Variants in RBFOX3 observed in about 807,000 individuals in gnomAD.
RBFOX3 encodes RNA binding protein fox-1 homolog 3.
Under a neutral mutation model 48.7 loss-of-function variants are expected in RBFOX3, and 17 were observed. The ratio of observed to expected loss-of-function variants is 0.35; its 90% CI spans 0.24 to 0.52. The LOEUF (loss-of-function observed/expected upper bound fraction) is 0.52, where lower values mean the gene tolerates loss of function less well. RBFOX3 is among the 20% of genes least tolerant of loss of function. The pLI, the probability that RBFOX3 is intolerant of heterozygous loss-of-function variation, is 0.94. For synonymous variants in RBFOX3, 212 were observed against 209.5 expected, an observed-to-expected ratio of 1.01 and a Z score of -0.10; for missense variants, 382 against 497.5, an observed-to-expected ratio of 0.77 and a Z score of 2.21.
intron 1 of RBFOX3, among the ~76,000 whole-genome samples, chr17:79,508,015 G>C (rs1445482808): frequency 1.3e-5 from 2 of 152,242 alleles, no homozygotes; most frequent in African/African-American, 4.8e-5. Flanking sequence ...CATGGATGCT[G>C]TTGAGGACAC....
At chr17:79,578,878 C>G (rs1280301779) in intron 1 of RBFOX3, among the ~76,000 whole-genome samples, 1 of 152,148 alleles carries the variant, frequency 6.6e-6, no homozygotes, top group Admixed American at 6.5e-5. Flanking sequence ...AGGGCTCGCT[C>G]CATCACCGCA....
Position 79,471,233 on chromosome 17 carries a change from G to A in RBFOX3, c.-175+11221C>T, listed in dbSNP as rs1037393806. ...GGGTCTCTCATGGGAAGCAGCCATC[G>A]TGGCTCTCAGCTCATGGAAAGCGGG... On this transcript the variant is annotated intron_variant, in intron 2 of 14. Transcript: ENST00000693108. The surrounding 1 kb of genome is among the most constrained non-coding windows in gnomAD (Gnocchi z 4.0). 7.2e-5 allele frequency among the ~76,000 whole-genome samples: 11 copies of A among 152,184 alleles called. No individual in the cohort carries two copies. In the East Asian group the frequency reaches 7.7e-4, roughly 11 times the overall value.
intron 5 of RBFOX3, among the ~76,000 whole-genome samples, chr17:79,112,479 C>T (rs184746083): frequency 6.6e-5 from 10 of 152,202 alleles, no homozygotes; most frequent in South Asian, 2.1e-4. Flanking sequence ...AAGGCCTTTC[C>T]GGAGCTGGGG....
chr17:79,148,983 G>A (rs564882833), intron 4 of RBFOX3, among the ~76,000 whole-genome samples: 5 of 152,304 alleles, frequency 3.3e-5, no homozygotes, highest in East Asian at 3.9e-4. Flanking sequence ...TTCAAGAAAC[G>A]CTAACCATAA....
chr17:79,171,738 A>AC (rs1442994124), intron 4 of RBFOX3, among the ~76,000 whole-genome samples: 1 of 108,310 alleles, frequency 9.2e-6, no homozygotes. Flanking sequence ...CTGGGATTAC[A>AC]TGTGTGAGCT....
chr17:79,635,450 G>A, the RBFOX3 span, among the ~76,000 whole-genome samples: 1 of 152,166 alleles, frequency 6.6e-6, no homozygotes, highest in East Asian at 1.9e-4. Flanking sequence ...CCTCCCAGAC[G>A]ATTCTCTTGG....
At chr17:79,262,065 C>G (rs1336457954) in intron 3 of RBFOX3, among the ~76,000 whole-genome samples, 4 of 152,220 alleles carry the variant, frequency 2.6e-5, no homozygotes, top group African/African-American at 9.6e-5. Context: ...TTTTGAGATT[C>G]TTTTGAGTTA....
At chr17:79,176,821 G>A (rs1353477516) in intron 4 of RBFOX3, among the ~76,000 whole-genome samples, 1 of 152,190 alleles carries the variant, frequency 6.6e-6, no homozygotes, top group East Asian at 1.9e-4. Context: ...AGGTGAAAAG[G>A]GAGAAGATTA....
At chr17:79,465,927 T>C (rs1555753440) in intron 2 of RBFOX3, among the ~76,000 whole-genome samples, 1 of 152,222 alleles carries the variant, frequency 6.6e-6, no homozygotes. Flanking sequence ...CCTCGATGTC[T>C]GCACCCATTC....
At chr17:79,450,541 A>AT (rs11387223) in intron 2 of RBFOX3, among the ~76,000 whole-genome samples, 55,527 of 150,314 alleles carry the variant, frequency 0.37, 10,416 homozygotes, top group South Asian at 0.42. Context: ...TGGACTTCTG[A>AT]TTTTTTTTTT....
At chr17:79,253,506 A>G (rs985006568) in intron 3 of RBFOX3, among the ~76,000 whole-genome samples, 1 of 152,200 alleles carries the variant, frequency 6.6e-6, no homozygotes, top group Non-Finnish European at 1.5e-5. Context: ...TCCAGGCACA[A>G]TGTCAACATT....
chr17:79,306,951 C>T (rs1568013174), intron 3 of RBFOX3, among the ~76,000 whole-genome samples: 1 of 152,216 alleles, frequency 6.6e-6, no homozygotes, highest in Non-Finnish European at 1.5e-5. Flanking sequence ...GAGTCTGGCC[C>T]CAGGCCCTCT....
At chr17:79,431,965 T>C (rs1321736093) in intron 2 of RBFOX3, among the ~76,000 whole-genome samples, 1 of 152,232 alleles carries the variant, frequency 6.6e-6, no homozygotes, top group Non-Finnish European at 1.5e-5. Context: ...AATCATTCTC[T>C]CTCAGGCCCT....
chr17:79,570,870 G>A (rs891140009), intron 1 of RBFOX3, among the ~76,000 whole-genome samples: 103,281 of 152,078 alleles, frequency 0.68, 35,325 homozygotes, highest in East Asian at 0.85. Context: ...CAATAGCTGT[G>A]GGTTGCTTTT....
chr17:79,594,677 T>A (rs2145179766), intron 1 of RBFOX3, among the ~76,000 whole-genome samples: 1 of 152,322 alleles, frequency 6.6e-6, no homozygotes, highest in South Asian at 2.1e-4. Flanking sequence ...AATACAGAAC[T>A]GTACATCAAT....
chr17:79,265,149 G>A (rs1346948997), intron 3 of RBFOX3, among the ~76,000 whole-genome samples: 4 of 152,162 alleles, frequency 2.6e-5, no homozygotes, highest in African/African-American at 9.7e-5. Flanking sequence ...AGGACAAAAC[G>A]CAGAACACAA....
At position 79,482,963 on chromosome 17, in the gene RBFOX3, C is replaced by A. The variant is rs559447909; in HGVS notation, c.-319-365G>T. 2.0e-5 allele frequency among the ~76,000 whole-genome samples: 3 copies of A among 151,760 alleles called. No homozygotes were observed. Among genetic ancestry groups the A allele is most frequent in the South Asian group, 2.1e-4 (1 of 4,758 alleles). ...CCCCATCGCCTTTCCCACTACCGCC[C>A]GCTCTTGCTTCCTCCCCCACCCAGC... On this transcript the variant is annotated intron_variant, in intron 1 of 14. Coordinates refer to ENST00000693108, the MANE Select transcript of RBFOX3 (RefSeq NM_001350451.2). The surrounding 1 kb of genome is among the most constrained non-coding windows in gnomAD (Gnocchi z 4.1).
Position 79,217,245 on chromosome 17 carries a change from T to C in RBFOX3, c.-34+18521A>G, listed in dbSNP as rs138399602. 5.1e-3 allele frequency among the ~76,000 whole-genome samples: 780 copies of C among 152,330 alleles called. 5 individuals carry two copies. The highest frequency in any genetic ancestry group is 8.2e-3 in the Non-Finnish European group (559 of 68,028). On this transcript the variant is annotated intron_variant, in intron 4 of 14. Coordinates refer to ENST00000693108, the MANE Select transcript of RBFOX3 (RefSeq NM_001350451.2). Reference sequence around the variant, plus strand: ...TCATTGGCCGCAAGTTTGCCAGCTTTAAAATGGGAGCAACAATATCTCCAG... The same window carrying C: ...TCATTGGCCGCAAGTTTGCCAGCTTCAAAATGGGAGCAACAATATCTCCAG...
chr17:79,126,990 T>C (rs571584469), intron 4 of RBFOX3, among the ~76,000 whole-genome samples: 2 of 152,304 alleles, frequency 1.3e-5, no homozygotes, highest in East Asian at 1.9e-4. Context: ...TCTAGTATGT[T>C]TGGCTTGGGT....
Sources: allele counts gnomAD v4.1 joint callset (sites outside exome capture counted in the v4.1 genomes callset), GRCh38; gene constraint gnomAD v4.1.1; non-coding constraint Gnocchi (gnomAD v3.1); transcripts MANE v1.5; gene names NCBI Gene and HGNC (gene_info 2026-07-23, HGNC 2026-07-21).